The following PSMB1 variants were observed in gnomAD, a reference collection of about 807,000 sequenced individuals.
PSMB1 encodes proteasome 20S subunit beta 1, also known as proteasome subunit beta type-1.
Under a neutral mutation model 25.4 loss-of-function variants are expected in PSMB1, and 7 were observed. The ratio of observed to expected loss-of-function variants is 0.28; its 90% CI spans 0.16 to 0.52. PSMB1 has a LOEUF of 0.52. Ranked by LOEUF, PSMB1 falls within the 20% of genes least tolerant of loss-of-function variation. The pLI is 0.97. For missense variants in PSMB1, 284 were observed against 302.2 expected, an observed-to-expected ratio of 0.94 and a Z score of 0.45; for synonymous variants, 119 against 115.0, an observed-to-expected ratio of 1.03 and a Z score of -0.22.
chr6:170,541,788 G>A (rs1175883953), intron 4 of PSMB1, among the ~76,000 whole-genome samples: 1 of 152,178 alleles, frequency 6.6e-6, no homozygotes, highest in East Asian at 1.9e-4. Context: ...TCAAAGAACA[G>A]GGCTCTGAAG....
In PSMB1 at chr6:170,535,157, A is replaced by T. The variant is rs1778674475; in HGVS notation, c.*63T>A. On this transcript the variant is annotated 3_prime_UTR_variant, in exon 6 of 6. Transcript: ENST00000262193. ...CTCTTTTAATAAACAAAACCATCCAAGGTACAGTTCCAAAGTACAAAATCA... is the reference window on the plus strand; with the variant it reads ...CTCTTTTAATAAACAAAACCATCCATGGTACAGTTCCAAAGTACAAAATCA... 2 of 1,447,074 alleles carry T rather than the reference A, an allele frequency of 1.4e-6. No homozygotes were observed. Among genetic ancestry groups the T allele is most frequent in the Admixed American group, 2.1e-5 (1 of 47,006 alleles). The allele number at this position is 1,447,074 out of a possible 1,614,324, so 89.6% of individuals were successfully genotyped here.
chr6:170,536,275 T>C, intron 5 of PSMB1: 1 of 421,626 alleles, frequency 2.4e-6, no homozygotes, highest in Non-Finnish European at 4.7e-6. Context: ...TATATGTAGA[T>C]ACTAGCTATT....
chr6:170,552,476 C>A (rs935755704), intron 1 of PSMB1, among the ~76,000 whole-genome samples: 1 of 151,870 alleles, frequency 6.6e-6, no homozygotes, highest in Admixed American at 6.6e-5. Context: ...CTAAAAGGTC[C>A]ATCTTCTGAG....
intron 1 of PSMB1, among the ~76,000 whole-genome samples, chr6:170,552,335 G>A (rs969329823): frequency 6.6e-6 from 1 of 152,204 alleles, no homozygotes; most frequent in African/African-American, 2.4e-5. Flanking sequence ...CCTGTCAAGA[G>A]TCTTAAACAG....
chr6:170,553,106 G>A, intron 1 of PSMB1, 24 bp downstream of exon 1: 1 of 1,567,534 alleles, frequency 6.4e-7, no homozygotes, highest in Non-Finnish European at 8.7e-7. Flanking sequence ...GAAAGTGAAA[G>A]CCGCAGCTCT....
intron 1 of PSMB1, among the ~76,000 whole-genome samples, chr6:170,551,810 A>G (rs1320348600): frequency 6.6e-6 from 1 of 152,228 alleles, no homozygotes; most frequent in Non-Finnish European, 1.5e-5. Flanking sequence ...TAGGATGCTA[A>G]TATCATCTAA....
intron 5 of PSMB1, chr6:170,536,367 T>C (rs985536162): frequency 4.5e-6 from 2 of 447,662 alleles, no homozygotes; most frequent in African/African-American, 4.0e-5. Flanking sequence ...TTGTTTTTCA[T>C]TGTGTTTAGT....
chr6:170,539,173 T>C (rs1014281171), intron 4 of PSMB1, among the ~76,000 whole-genome samples: 3 of 151,796 alleles, frequency 2.0e-5, no homozygotes, highest in African/African-American at 7.3e-5. Context: ...CAAAGTAAAA[T>C]CCAAAAAGCA....
chr6:170,542,128 C>G (rs1013617533), intron 4 of PSMB1, among the ~76,000 whole-genome samples: 2 of 152,104 alleles, frequency 1.3e-5, no homozygotes, highest in East Asian at 1.9e-4. Context: ...TCTTGGTTTT[C>G]AAGTAAGGTT....
intron 3 of PSMB1, among the ~76,000 whole-genome samples, chr6:170,545,877 C>T (rs1778810654): frequency 6.6e-6 from 1 of 152,180 alleles, no homozygotes; most frequent in Non-Finnish European, 1.5e-5. Flanking sequence ...GAGAACCCTT[C>T]ATATGATACA....
intron 1 of PSMB1, among the ~76,000 whole-genome samples, chr6:170,550,837 G>T (rs914293580): frequency 3.6e-5 from 5 of 138,528 alleles, no homozygotes; most frequent in Middle Eastern, 3.8e-3. Context: ...ATAATTATAA[G>T]TATTTTAAAG....
intron 5 of PSMB1, chr6:170,536,214 C>T: frequency 2.9e-6 from 1 of 339,234 alleles, no homozygotes. Context: ...AGCCAAGTAG[C>T]CTAAAAATAC....
At chr6:170,548,302 T>C (rs570558828) in intron 2 of PSMB1, among the ~76,000 whole-genome samples, 2 of 152,328 alleles carry the variant, frequency 1.3e-5, no homozygotes, top group African/African-American at 4.8e-5. Flanking sequence ...AACCCAGGAA[T>C]TCATGACCAT....
chr6:170,538,840 C>T (rs1261920091), intron 4 of PSMB1, among the ~76,000 whole-genome samples: 1 of 152,000 alleles, frequency 6.6e-6, no homozygotes, highest in East Asian at 1.9e-4. Context: ...CCACTAACCT[C>T]AATATACAAA....
intron 1 of PSMB1, among the ~76,000 whole-genome samples, chr6:170,552,804 C>T (rs554242772): frequency 3.3e-5 from 5 of 152,380 alleles, no homozygotes; most frequent in Admixed American, 6.5e-5. Flanking sequence ...GGCTATGTTT[C>T]AATTTCTACT....
rs751208116 is a variant in PSMB1, at chr6:170,535,203, T to C, written c.*17A>G. ...AATCAACCAGGTCTGAACTGATTGG[T>C]GATAAGAGCACACAGATCAGTCCTT... is the stretch of plus-strand genomic sequence containing the variant. On this transcript the variant is annotated 3_prime_UTR_variant, in exon 6 of 6. Coordinates refer to ENST00000262193, the MANE Select transcript of PSMB1 (RefSeq NM_002793.4). 4.9e-5 allele frequency: 79 copies of C among 1,611,300 alleles called. No individual in the cohort carries two copies. Among genetic ancestry groups the C allele is most frequent in the Non-Finnish European group, 5.9e-5 (70 of 1,178,122 alleles).
chr6:170,543,665 G>C lies in PSMB1; in HGVS notation c.369C>G (p.Ile123Met). 1.2e-6 allele frequency: 2 copies of C among 1,611,480 alleles called. No homozygotes were observed. The highest frequency in any genetic ancestry group is 1.7e-6 in the Non-Finnish European group (2 of 1,177,654). ...TGAIAAMLST[I>M]LYSRRFFPYY... ...ATGGAAAGAAGCGCCTTGAATACAGGATTGTAGACAGCATTGCAGCAATTG... is the reference window on the plus strand; with the variant it reads ...ATGGAAAGAAGCGCCTTGAATACAGCATTGTAGACAGCATTGCAGCAATTG... Residue 123 changes from isoleucine to methionine, a missense_variant, in exon 4 of 6, where the codon ATC becomes ATG. Coordinates refer to ENST00000262193, the MANE Select transcript of PSMB1 (RefSeq NM_002793.4).
intron 1 of PSMB1, among the ~76,000 whole-genome samples, chr6:170,550,908 G>T (rs1198057333): frequency 4.5e-5 from 2 of 44,424 alleles, no homozygotes; most frequent in African/African-American, 1.2e-4. Flanking sequence ...AGGCTGAGGG[G>T]GGGGGGGGGG....
At position 170,543,688 on chromosome 6, in the gene PSMB1, T is replaced by C. The variant is rs1260883835; in HGVS notation, c.346A>G (p.Ile116Val). Reference protein sequence around the residue: ...SNNKAMTTGAIAAMLSTILYS... With the variant: ...SNNKAMTTGAVAAMLSTILYS... ...AGGATTGTAGACAGCATTGCAGCAA[T>C]TGCCCCCGTAGTCATGGCCTTATTA... Residue 116 changes from isoleucine to valine, a missense_variant, in exon 4 of 6, where the codon ATT (isoleucine) becomes GTT (valine). By Grantham distance (29) the Ile-to-Val change is conservative (BLOSUM62 3). Transcript: ENST00000262193. The C allele has an allele frequency of 3.7e-6, 6 of 1,612,482 alleles. No individual in the cohort carries two copies. In the African/African-American group the frequency reaches 4.0e-5, roughly 11 times the overall value.
Sources: allele counts gnomAD v4.1 joint callset (sites outside exome capture counted in the v4.1 genomes callset), GRCh38; gene constraint gnomAD v4.1.1; transcripts MANE v1.5; gene names NCBI Gene and HGNC (gene_info 2026-07-23, HGNC 2026-07-21).